The following CNTNAP2 variants were observed in gnomAD, a reference collection of about 807,000 sequenced individuals.
CNTNAP2 encodes the protein contactin associated protein 2, also known as contactin-associated protein-like 2.
Under a neutral mutation model 155.2 loss-of-function variants are expected in CNTNAP2, and 98 were observed. That is an observed-to-expected ratio of 0.63 (90% CI 0.54 to 0.75). The LOEUF is 0.75. Ranked by LOEUF, CNTNAP2 falls within the 30% of genes least tolerant of loss-of-function variation. The pLI, the probability that CNTNAP2 is intolerant of heterozygous loss-of-function variation, is 0.00. For missense variants in CNTNAP2, 1,727 were observed against 1,688.1 expected, an observed-to-expected ratio of 1.02 and a Z score of -0.40; for synonymous variants, 651 against 631.2, an observed-to-expected ratio of 1.03 and a Z score of -0.47.
At chr7:148,330,356 C>G (rs1797967413) in intron 21 of CNTNAP2, among the ~76,000 whole-genome samples, 1 of 143,244 alleles carries the variant, frequency 7.0e-6, no homozygotes, top group Admixed American at 6.9e-5. Flanking sequence ...ATGGAGTGGA[C>G]AGATGGAATG....
At chr7:147,938,264 A>G (rs1800650896) in intron 14 of CNTNAP2, among the ~76,000 whole-genome samples, 1 of 152,190 alleles carries the variant, frequency 6.6e-6, no homozygotes, top group Non-Finnish European at 1.5e-5. Flanking sequence ...AGGGAAAGAA[A>G]TGGAGGAAAA....
At chr7:148,256,518 G>A (rs1261238856) in intron 20 of CNTNAP2, among the ~76,000 whole-genome samples, 1 of 152,024 alleles carries the variant, frequency 6.6e-6, no homozygotes, top group Non-Finnish European at 1.5e-5. Flanking sequence ...CTCTTACACT[G>A]GAAGTCTAGA....
chr7:146,802,268 A>G (rs1802891929), intron 2 of CNTNAP2, among the ~76,000 whole-genome samples: 1 of 152,148 alleles, frequency 6.6e-6, no homozygotes, highest in Non-Finnish European at 1.5e-5. Flanking sequence ...TTGTTGACAG[A>G]TCAGTTTCTT....
chr7:146,949,039 T>C (rs1339209576), intron 3 of CNTNAP2, among the ~76,000 whole-genome samples: 1 of 152,188 alleles, frequency 6.6e-6, no homozygotes, highest in African/African-American at 2.4e-5. Context: ...TGAAAATACC[T>C]GCTATGAGAA....
At chr7:146,924,503 C>T (rs1366402514) in intron 3 of CNTNAP2, among the ~76,000 whole-genome samples, 1 of 152,058 alleles carries the variant, frequency 6.6e-6, no homozygotes, top group African/African-American at 2.4e-5. Context: ...ATTCAGCAGC[C>T]AGAGTTCACT....
chr7:147,651,323 G>C (rs368502861), intron 13 of CNTNAP2, among the ~76,000 whole-genome samples: 6 of 152,114 alleles, frequency 3.9e-5, no homozygotes, highest in African/African-American at 1.4e-4. Context: ...ATTGAATCAG[G>C]CCCATCCAGA....
intron 13 of CNTNAP2, chr7:147,672,388 A>G (rs1795802367): frequency 6.6e-6 from 1 of 152,228 alleles, no homozygotes; most frequent in African/African-American, 2.4e-5. Context: ...TTAGAATATT[A>G]GAGGCTTTTG....
chr7:146,598,028 A>G (rs1798889350), intron 1 of CNTNAP2, among the ~76,000 whole-genome samples: 1 of 151,844 alleles, frequency 6.6e-6, no homozygotes, highest in Non-Finnish European at 1.5e-5. Flanking sequence ...CTTCAGTCAC[A>G]CTCACTTGGA....
At chr7:148,247,647 A>ATTTT (rs1361087053) in intron 20 of CNTNAP2, among the ~76,000 whole-genome samples, 35 of 125,822 alleles carry the variant, frequency 2.8e-4, no homozygotes, top group African/African-American at 9.0e-4. Flanking sequence ...TTATTTATTT[A>ATTTT]TTTATTTATT....
intron 15 of CNTNAP2, among the ~76,000 whole-genome samples, chr7:148,073,648 A>G (rs2116533795): frequency 1.3e-5 from 2 of 152,298 alleles, no homozygotes; most frequent in Middle Eastern, 6.8e-3. Context: ...TACTGCTGTT[A>G]ATATTCTATT....
chr7:146,985,676 T>C (rs1798102792), intron 3 of CNTNAP2, among the ~76,000 whole-genome samples: 1 of 152,162 alleles, frequency 6.6e-6, no homozygotes, highest in South Asian at 2.1e-4. Context: ...AACAATCATA[T>C]TCAGTAAAGT....
intron 3 of CNTNAP2, among the ~76,000 whole-genome samples, chr7:146,960,817 T>C (rs966305007): frequency 3.9e-5 from 6 of 152,188 alleles, no homozygotes; most frequent in African/African-American, 1.4e-4. Flanking sequence ...ATACATTTAA[T>C]AGCCCAGTTA....
chr7:146,539,690 G>T (rs1358489581), intron 1 of CNTNAP2, among the ~76,000 whole-genome samples: 1 of 151,994 alleles, frequency 6.6e-6, no homozygotes, highest in Non-Finnish European at 1.5e-5. Flanking sequence ...AGAAGAGGGG[G>T]ATCATCTCTC....
chr7:147,754,270 G>A (rs1006053307), intron 13 of CNTNAP2, among the ~76,000 whole-genome samples: 2 of 152,150 alleles, frequency 1.3e-5, no homozygotes, highest in African/African-American at 4.8e-5. Context: ...AGACACTTTT[G>A]GAAGCTGCTA....
At chr7:146,448,390 G>A (rs1468518978) in intron 1 of CNTNAP2, among the ~76,000 whole-genome samples, 2 of 144,934 alleles carry the variant, frequency 1.4e-5, no homozygotes, top group African/African-American at 5.2e-5. Flanking sequence ...AAAGAATATA[G>A]GATTTTTTTT....
intron 1 of CNTNAP2, among the ~76,000 whole-genome samples, chr7:146,185,140 C>A (rs1277562062): frequency 1.3e-5 from 2 of 152,012 alleles, no homozygotes; most frequent in South Asian, 4.1e-4. Flanking sequence ...TAGACTATAG[C>A]TTAAATCTAG....
At chr7:147,428,021 C>A (rs571728529) in intron 10 of CNTNAP2, among the ~76,000 whole-genome samples, 1 of 152,056 alleles carries the variant, frequency 6.6e-6, no homozygotes, top group Non-Finnish European at 1.5e-5. Flanking sequence ...ATCTTTCAAA[C>A]GTGAAAATTT....
chr7:147,246,046 TATATATATACAC>T (rs1464835057), intron 8 of CNTNAP2, among the ~76,000 whole-genome samples: 4 of 149,362 alleles, frequency 2.7e-5, no homozygotes, highest in South Asian at 4.2e-4. Flanking sequence ...ATAACGTGCA[TATATATATACAC>T]ATATATATGG....
At chr7:148,316,095 G>A (rs747630590) in intron 21 of CNTNAP2, among the ~76,000 whole-genome samples, 11 of 152,104 alleles carry the variant, frequency 7.2e-5, no homozygotes, top group Non-Finnish European at 1.2e-4. Context: ...TAGATGGCAA[G>A]AACATGGCAG....
Sources: allele counts gnomAD v4.1 joint callset (sites outside exome capture counted in the v4.1 genomes callset), GRCh38; gene constraint gnomAD v4.1.1; transcripts MANE v1.5; gene names NCBI Gene and HGNC (gene_info 2026-07-23, HGNC 2026-07-21).